NHS: variants seen among roughly 807,000 people sequenced by gnomAD.
The protein encoded by NHS is actin remodeling regulator NHS.
NHS carries 5 observed loss-of-function variants against 72.5 expected under a neutral mutation model. That is an observed-to-expected ratio of 0.07 (90% confidence interval 0.04 to 0.14). The LOEUF is 0.14. Ranked by LOEUF, NHS falls within the 10% of genes least tolerant of loss-of-function variation. NHS has a pLI of 1.00. For synonymous variants in NHS, 464 were observed against 547.7 expected, an observed-to-expected ratio of 0.85 and a Z score of 2.13; for missense variants, 1,072 against 1,355.7, an observed-to-expected ratio of 0.79 and a Z score of 3.29.
chrX:17,466,079 T>C (rs901666223), intron 1 of NHS, among the ~76,000 whole-genome samples: 5 of 113,383 alleles, frequency 4.4e-5, no homozygotes, highest in Non-Finnish European at 9.4e-5. Flanking sequence ...AGATCACAGA[T>C]GTGGTTATTG....
chrX:17,721,100 T>G (rs1440456738), intron 4 of NHS, among the ~76,000 whole-genome samples: 1 of 111,626 alleles, frequency 9.0e-6, no homozygotes, highest in African/African-American at 3.3e-5. Context: ...TGATAGAAAT[T>G]TATGGTGAGA....
intron 1 of NHS, among the ~76,000 whole-genome samples, chrX:17,664,393 C>A (rs2065999799): frequency 8.9e-6 from 1 of 111,786 alleles, no homozygotes. Flanking sequence ...GGTCAAAATT[C>A]ATTTTTCCCC....
intron 1 of NHS, among the ~76,000 whole-genome samples, chrX:17,403,348 C>T (rs1376448511): frequency 1.8e-5 from 2 of 112,044 alleles, no homozygotes; most frequent in African/African-American, 6.5e-5. Flanking sequence ...AACAGCTAGC[C>T]AGCTTCTGCT....
At chrX:17,613,699 C>T (rs984363622) in intron 1 of NHS, among the ~76,000 whole-genome samples, 1 of 111,714 alleles carries the variant, frequency 9.0e-6, no homozygotes, top group African/African-American at 3.3e-5. Flanking sequence ...AATGACCCTT[C>T]CCCTCCACAG....
At chrX:17,710,567 C>T (rs1341864919) in intron 3 of NHS, among the ~76,000 whole-genome samples, 1 of 111,952 alleles carries the variant, frequency 8.9e-6, no homozygotes, top group African/African-American at 3.2e-5. Context: ...ATTCATATAA[C>T]ATTTTCAAAA....
intron 1 of NHS, among the ~76,000 whole-genome samples, chrX:17,571,528 T>A (rs2065478124): frequency 8.9e-6 from 1 of 112,019 alleles, no homozygotes; most frequent in Non-Finnish European, 1.9e-5. Context: ...CCCTTTATCA[T>A]TTTTTATTGC....
intron 1 of NHS, among the ~76,000 whole-genome samples, chrX:17,564,865 C>T (rs2065434105): frequency 8.9e-6 from 1 of 112,364 alleles, no homozygotes; most frequent in Non-Finnish European, 1.9e-5. Context: ...ATTTCAAAGG[C>T]GAGTCCAGTG....
intron 1 of NHS, among the ~76,000 whole-genome samples, chrX:17,403,900 C>T (rs762585354): frequency 1.8e-5 from 2 of 111,168 alleles, no homozygotes; most frequent in African/African-American, 3.3e-5. Flanking sequence ...CAGATTGAAG[C>T]CCCCTCCCCA....
chrX:17,659,233 G>A (rs1014018168), intron 1 of NHS, among the ~76,000 whole-genome samples: 4 of 112,273 alleles, frequency 3.6e-5, no homozygotes, highest in African/African-American at 1.3e-4. Flanking sequence ...TGTGCAGTTT[G>A]TGCTATGGCA....
chrX:17,558,871 G>T (rs1031393891), intron 1 of NHS, among the ~76,000 whole-genome samples: 2 of 112,224 alleles, frequency 1.8e-5, no homozygotes, highest in African/African-American at 6.5e-5. Context: ...TTTCTCATTT[G>T]ACCCCAAGAT....
intron 1 of NHS, among the ~76,000 whole-genome samples, chrX:17,683,446 T>C (rs1288500839): frequency 8.9e-6 from 1 of 111,950 alleles, no homozygotes; most frequent in African/African-American, 3.3e-5. Context: ...TATTTCAATA[T>C]TGGTTTGGGA....
rs774186481 is a variant in NHS, at chrX:17,728,722, C to T, written c.4296C>T (p.Phe1432=). Residue 1432 remains phenylalanine (F), a synonymous_variant, in exon 8 of 9, where the codon TTC becomes TTT. Coordinates refer to ENST00000676302, the MANE Select transcript of NHS (RefSeq NM_001291867.2). ...EDSQAEAEGV[F]VSPNKPRTTE... is the part of the protein sequence containing the mutation. ...CCCAAGCTGAAGCAGAGGGTGTGTTCGTGTCTCCAAACAAACCTCGAACAA... is the reference window on the plus strand; with the variant it reads ...CCCAAGCTGAAGCAGAGGGTGTGTTTGTGTCTCCAAACAAACCTCGAACAA... 1.1e-4 allele frequency: 134 copies of T among 1,208,863 alleles called. 1 individual carries two copies. In the South Asian group the frequency reaches 1.8e-3, roughly 17 times the overall value.
chrX:17,616,326 C>T (rs2065746849), intron 1 of NHS, among the ~76,000 whole-genome samples: 1 of 112,301 alleles, frequency 8.9e-6, no homozygotes, highest in Non-Finnish European at 1.9e-5. Flanking sequence ...TGTATGTATG[C>T]GCATCTGTGA....
intron 1 of NHS, among the ~76,000 whole-genome samples, chrX:17,641,470 G>A (rs1372021472): frequency 3.6e-5 from 4 of 111,877 alleles, no homozygotes; most frequent in East Asian, 5.6e-4. Flanking sequence ...GTAGGACAAC[G>A]ACATTTCTCT....
intron 1 of NHS, among the ~76,000 whole-genome samples, chrX:17,544,474 C>G (rs1250249840): frequency 8.9e-6 from 1 of 112,158 alleles, no homozygotes; most frequent in Non-Finnish European, 1.9e-5. Context: ...TCTCAATGAC[C>G]ATATACTATT....
chrX:17,548,162 G>A (rs2065303470), intron 1 of NHS, among the ~76,000 whole-genome samples: 1 of 111,886 alleles, frequency 8.9e-6, no homozygotes, highest in Non-Finnish European at 1.9e-5. Flanking sequence ...GATACATTCT[G>A]GAGGCTTGTT....
chrX:17,604,416 A>G (rs2065668846), intron 1 of NHS, among the ~76,000 whole-genome samples: 1 of 112,694 alleles, frequency 8.9e-6, no homozygotes, highest in South Asian at 3.7e-4. Context: ...TTCTAAACTC[A>G]TTGGAAGATG....
chrX:17,525,629 CTTTCT>C (rs1242743518), intron 1 of NHS, among the ~76,000 whole-genome samples: 85 of 71,367 alleles, frequency 1.2e-3, no homozygotes, highest in African/African-American at 3.5e-3. Flanking sequence ...TTTCTTTTTT[CTTTCT>C]TTTCTTTTTT....
intron 3 of NHS, among the ~76,000 whole-genome samples, chrX:17,703,410 G>A (rs1352736341): frequency 8.9e-6 from 1 of 112,639 alleles, no homozygotes; most frequent in African/African-American, 3.2e-5. Flanking sequence ...ATTTATGAAT[G>A]AAGAGACTTA....
Sources: gnomAD v4.1 joint callset for allele counts (sites outside exome capture counted in the v4.1 genomes callset) on GRCh38, gnomAD v4.1.1 for gene constraint, MANE v1.5 for transcripts, NCBI Gene and HGNC (gene_info 2026-07-23, HGNC 2026-07-21) for gene names.